Variants in PCSK6 observed in about 807,000 individuals in gnomAD.
PCSK6 encodes the protein paired basic amino acid cleaving enzyme 4.
PCSK6 carries 85 observed loss-of-function variants against 123.3 expected under a neutral mutation model. The observed-to-expected ratio is 0.69, with a 90% CI of 0.58 to 0.83. The LOEUF (loss-of-function observed/expected upper bound fraction) is 0.83, where lower values mean the gene tolerates loss of function less well. Ranked by LOEUF, PCSK6 falls within the 40% of genes least tolerant of loss-of-function variation. PCSK6 has a pLI of 0.00. For missense variants in PCSK6, 1,191 were observed against 1,282.3 expected, an observed-to-expected ratio of 0.93 and a Z score of 1.09; for synonymous variants, 508 against 516.0, an observed-to-expected ratio of 0.98 and a Z score of 0.21.
intron 11 of PCSK6, among the ~76,000 whole-genome samples, chr15:101,381,550 C>T (rs140353881): frequency 7.2e-4 from 110 of 152,316 alleles, no homozygotes; most frequent in Middle Eastern, 3.4e-3. Context: ...ATAAAAGCCA[C>T]ACAAAGCTGC....
chr15:101,343,633 A>T (rs1209389881), intron 13 of PCSK6, among the ~76,000 whole-genome samples: 1 of 152,116 alleles, frequency 6.6e-6, no homozygotes, highest in Non-Finnish European at 1.5e-5. Flanking sequence ...TCAATTTTCA[A>T]ATGTATGGAA....
At chr15:101,414,252 T>C (rs1232733094) in intron 6 of PCSK6, among the ~76,000 whole-genome samples, 2 of 152,192 alleles carry the variant, frequency 1.3e-5, no homozygotes, top group Non-Finnish European at 2.9e-5. Flanking sequence ...GAAAATTTAC[T>C]ATCTATATAA....
intron 13 of PCSK6, among the ~76,000 whole-genome samples, chr15:101,360,305 C>T (rs930108396): frequency 1.3e-5 from 2 of 152,230 alleles, no homozygotes; most frequent in African/African-American, 4.8e-5. Context: ...CAGATCACCT[C>T]TGTCCTCTGC....
intron 9 of PCSK6, among the ~76,000 whole-genome samples, chr15:101,388,634 G>C (rs1215265881): frequency 6.6e-6 from 1 of 152,210 alleles, no homozygotes; most frequent in South Asian, 2.1e-4. Flanking sequence ...CTCTGGCCCA[G>C]CCAGCCCCTG....
chr15:101,398,574 T>C lies in PCSK6; in HGVS notation c.826A>G (p.Ile276Val), dbSNP rs1332213411. 1 of 1,611,298 alleles carries C rather than the reference T, an allele frequency of 6.2e-7. No individual in the cohort carries two copies. Among genetic ancestry groups the C allele is most frequent in the Non-Finnish European group, 8.5e-7 (1 of 1,178,656 alleles). The change falls in exon 7 of 22, where the codon ATC becomes GTC. Residue 276 changes from isoleucine (I) to valine (V), a missense_variant and splice_region_variant. This residue lies in a region of PCSK6 where 357 missense variants were observed against 484.5 expected (regional missense o/e 0.74). Transcript: ENST00000611716. The surrounding 1 kb of genome is among the most constrained non-coding windows in gnomAD (Gnocchi z 4.6). The part of the protein sequence containing the change: ...GIAYNAKIGG[I>V]RMLDGDVTDV... ...GTGACATCGCCGTCCAGCATGCGGA[T>C]GCCTGAAAGCACAGAGGAGGCTCGG...
At chr15:101,315,868 G>A (rs889668620) in intron 19 of PCSK6, among the ~76,000 whole-genome samples, 43 of 152,240 alleles carry the variant, frequency 2.8e-4, no homozygotes, top group African/African-American at 8.4e-4. Flanking sequence ...CAGGACACAC[G>A]GGGCACCTGG....
chr15:101,452,832 A>G (rs11634252), intron 1 of PCSK6, among the ~76,000 whole-genome samples: 37,038 of 152,078 alleles, frequency 0.24, 5,025 homozygotes, highest in South Asian at 0.33. Context: ...CCCGGTGTCC[A>G]TGGCTGTGCT....
rs1404289479 is a variant in PCSK6 at position 101,418,132 on chromosome 15, T to TA, written c.823+9759dup. 3.3e-5 allele frequency among the ~76,000 whole-genome samples: 5 copies of TA among 152,336 alleles called. No homozygotes were observed. The East Asian group carries it at 7.7e-4, about 23-fold the overall frequency. Reference sequence around the variant, plus strand: ...AAATCTTGAAAAATTGATGATTTTCTAGGAAGATTTAATTACAAAAATCTC... The same window carrying TA: ...AAATCTTGAAAAATTGATGATTTTCTAAGGAAGATTTAATTACAAAAATCTC... On this transcript the variant is annotated intron_variant, in intron 6 of 21. Coordinates refer to ENST00000611716, the MANE Select transcript of PCSK6 (RefSeq NM_002570.5).
At chr15:101,481,687 T>G (rs910485773) in intron 1 of PCSK6, among the ~76,000 whole-genome samples, 1 of 152,066 alleles carries the variant, frequency 6.6e-6, no homozygotes, top group African/African-American at 2.4e-5. Flanking sequence ...GAGGCGATGG[T>G]GACCTCTAGG....
At chr15:101,461,234 C>T (rs2057334219) in intron 1 of PCSK6, among the ~76,000 whole-genome samples, 1 of 152,164 alleles carries the variant, frequency 6.6e-6, no homozygotes, top group African/African-American at 2.4e-5. Flanking sequence ...ACTACCAATG[C>T]CGTTACACTC....
At chr15:101,349,084 A>G (rs1273107487) in intron 13 of PCSK6, among the ~76,000 whole-genome samples, 1 of 152,228 alleles carries the variant, frequency 6.6e-6, no homozygotes, top group Admixed American at 6.5e-5. Context: ...GGACAGAACC[A>G]AAGCTGGGAT....
At chr15:101,355,824 T>A (rs919983298) in intron 13 of PCSK6, among the ~76,000 whole-genome samples, 1 of 152,188 alleles carries the variant, frequency 6.6e-6, no homozygotes, top group Admixed American at 6.5e-5. Context: ...GGCCTGACCT[T>A]GGCAGGTGCA....
At position 101,345,001 on chromosome 15, in the gene PCSK6, A is replaced by G. The variant is rs117300976; in HGVS notation, c.1859-12970T>C. Among the ~76,000 whole-genome samples the G allele has an allele frequency of 5.4e-4, 82 of 152,330 alleles. 1 individual carries two copies. The East Asian group carries it at 0.014, about 27-fold the overall frequency. On this transcript the variant is annotated intron_variant, in intron 13 of 21. Coordinates refer to ENST00000611716, the MANE Select transcript of PCSK6 (RefSeq NM_002570.5). ...GGGAGCAACGAGTCTGTATGCCTTT[A>G]GTGAAACTACTGAAGTTATTGGACT...
chr15:101,450,145 C>G (rs12441347), intron 1 of PCSK6, among the ~76,000 whole-genome samples: 1 of 152,106 alleles, frequency 6.6e-6, no homozygotes, highest in African/African-American at 2.4e-5. Flanking sequence ...CTCCCCTCAT[C>G]GCACCAGCCC....
chr15:101,470,443 G>A (rs2141233799), intron 1 of PCSK6, among the ~76,000 whole-genome samples: 1 of 152,186 alleles, frequency 6.6e-6, no homozygotes, highest in African/African-American at 2.4e-5. Context: ...CATACACTGT[G>A]CTGTAAGATT....
At chr15:101,423,699 C>G (rs956613590) in intron 6 of PCSK6, among the ~76,000 whole-genome samples, 2 of 151,758 alleles carry the variant, frequency 1.3e-5, no homozygotes, top group Non-Finnish European at 2.9e-5. Context: ...ACCTGTGAGG[C>G]GTATTAAGCA....
chr15:101,347,552 TGCACGCACAC>T, intron 13 of PCSK6: 2 of 1,400,510 alleles, frequency 1.4e-6, no homozygotes, highest in African/African-American at 2.9e-5. Context: ...GGTTCATGCT[TGCACGCACAC>T]GCATTCATGC....
intron 13 of PCSK6, 173 bp downstream of exon 13, chr15:101,366,022 GC>G: frequency 1.7e-6 from 1 of 596,230 alleles, no homozygotes; most frequent in Non-Finnish European, 2.8e-6. Context: ...TGTACTAAAA[GC>G]CACTGAACTG....
At chr15:101,346,297 A>C (rs923771221) in intron 13 of PCSK6, 1 of 152,298 alleles carries the variant, frequency 6.6e-6, no homozygotes, top group Non-Finnish European at 1.5e-5. Context: ...AAAGCAATCT[A>C]CATGTCCAAC....
Sources: gnomAD v4.1 joint callset for allele counts (sites outside exome capture counted in the v4.1 genomes callset) on GRCh38, gnomAD v4.1.1 for gene constraint, gnomAD v4.1.1 regional missense constraint, Gnocchi (gnomAD v3.1) non-coding constraint, MANE v1.5 for transcripts, NCBI Gene and HGNC (gene_info 2026-07-23, HGNC 2026-07-21) for gene names.